The following METTL27 variants were observed in gnomAD, a reference collection of about 807,000 sequenced individuals.
METTL27 encodes methyltransferase like 27.
Under a neutral mutation model 24.5 loss-of-function variants are expected in METTL27, and 29 were observed. The observed-to-expected ratio is 1.18, with a 90% confidence interval of 0.88 to 1.61. The LOEUF (loss-of-function observed/expected upper bound fraction) is 1.61, where lower values mean the gene tolerates loss of function less well. Ranked by LOEUF, METTL27 falls within the 40% of genes most tolerant of loss-of-function variation. METTL27 has a pLI of 0.00. For synonymous variants in METTL27, 138 were observed against 146.8 expected, an observed-to-expected ratio of 0.94 and a Z score of 0.43; for missense variants, 341 against 324.3, an observed-to-expected ratio of 1.05 and a Z score of -0.40.
chr7:73,842,237 C>T, intron 1 of METTL27, 93 bp from the exon 2 acceptor site: 3 of 1,494,092 alleles, frequency 2.0e-6, no homozygotes, highest in Non-Finnish European at 1.8e-6. Flanking sequence ...AGGAGGCTGC[C>T]AGGCCTCCTG....
intron 5 of METTL27, among the ~76,000 whole-genome samples, chr7:73,835,981 C>G (rs1381750313): frequency 1.5e-5 from 2 of 133,472 alleles, no homozygotes. Context: ...GCCTGGCAGC[C>G]GCCCCGTCTG....
intron 5 of METTL27, among the ~76,000 whole-genome samples, chr7:73,836,575 T>G (rs1554635327): frequency 2.4e-3 from 8 of 3,324 alleles, no homozygotes; most frequent in East Asian, 0.014. Context: ...ATCCGGGAAG[T>G]GAGGGGCGCC....
intron 5 of METTL27, 69 bp downstream of exon 5, chr7:73,839,962 T>C: frequency 2.1e-6 from 3 of 1,423,032 alleles, no homozygotes; most frequent in Non-Finnish European, 2.9e-6. Context: ...GGGGCCTGTG[T>C]CTGCACTATG....
intron 3 of METTL27, among the ~76,000 whole-genome samples, chr7:73,840,803 C>T (rs533578025): frequency 2.6e-5 from 4 of 152,260 alleles, no homozygotes; most frequent in South Asian, 4.2e-4. Context: ...GGACTACAGG[C>T]GTGCACCACC....
In METTL27 at chr7:73,834,997, G is replaced by A. The variant is rs141002205; in HGVS notation, c.484C>T (p.Leu162=). Residue 162 remains leucine, a synonymous_variant, in exon 6 of 6, where the codon CTG becomes TTG. Transcript: ENST00000297873. ...TTGGTCCTGGTGGTCAGACACACCA[G>A]CCCACCTGGGGGAGAGGGGTAGGTG... ...PELHVTKPGG[L]VCLTTRTNSS... is the part of the protein sequence containing the mutation. 1.9e-6 allele frequency: 3 copies of A among 1,610,120 alleles called. No homozygotes were observed. The highest frequency in any genetic ancestry group is 2.5e-6 in the Non-Finnish European group (3 of 1,179,058).
chr7:73,841,367 G>T (rs1788349937), intron 2 of METTL27, among the ~76,000 whole-genome samples, 169 bp from the exon 3 acceptor site: 1 of 152,170 alleles, frequency 6.6e-6, no homozygotes, highest in Non-Finnish European at 1.5e-5. Flanking sequence ...CATTGCTAAA[G>T]GGCCAGGACT....
At chr7:73,835,052 TG>T in intron 5 of METTL27, 50 bp from the exon 6 acceptor site, 1 of 1,549,340 alleles carries the variant, frequency 6.5e-7, no homozygotes, top group Non-Finnish European at 8.7e-7. Context: ...GCCACAGTCC[TG>T]GGCCATCTCT....
chr7:73,836,313 C>G lies in METTL27; in HGVS notation c.479-1311G>C, dbSNP rs555035267. Among the ~76,000 whole-genome samples the G allele has an allele frequency of 2.2e-3, 310 of 138,058 alleles. 1 individual carries two copies. Among genetic ancestry groups the G allele is most frequent in the African/African-American group, 8.0e-3 (298 of 37,244 alleles). The allele number at this position is 138,058 out of a possible 152,430, so 90.6% of individuals were successfully genotyped here. ...CCCCCCGCCCGGCCAGCTGCCCCGT[C>G]CAGTAGGTGAGGGGCGCCTCTGCCC... On this transcript the variant is annotated intron_variant, in intron 5 of 5. Transcript: ENST00000297873.
At chr7:73,840,293 T>C in intron 4 of METTL27, 121 bp downstream of exon 4, 4 of 1,493,716 alleles carry the variant, frequency 2.7e-6, no homozygotes, top group Non-Finnish European at 3.6e-6. Context: ...TGCAGTCAGA[T>C]CGTGGGGTGC....
At chr7:73,835,073 G>C (rs971056851) in intron 5 of METTL27, 71 bp from the exon 6 acceptor site, 149 of 1,501,410 alleles carry the variant, frequency 9.9e-5, no homozygotes, top group Middle Eastern at 2.4e-4. Flanking sequence ...TGCTGGGGAT[G>C]GTTGTCCCTT....
intron 3 of METTL27, 140 bp downstream of exon 3, chr7:73,840,930 G>T: frequency 7.7e-7 from 1 of 1,297,268 alleles, no homozygotes; most frequent in South Asian, 1.9e-5. Context: ...CATAGTGTGA[G>T]CCACAGTATG....
rs782348515 is a variant in METTL27, at chr7:73,834,659, C to T, written c.*84G>A. The T allele has an allele frequency of 1.6e-6, 2 of 1,275,338 alleles. No homozygotes were observed. Among genetic ancestry groups the T allele is most frequent in the Non-Finnish European group, 2.2e-6 (2 of 915,098 alleles). 79.0% of individuals were successfully genotyped at this position (1,275,338 alleles called of 1,614,324 possible). The stretch of plus-strand genomic sequence containing the variant: ...GGGTTGGTTCGGAGGTCCCATTTTA[C>T]AGGGGAGGCAGAGGAGGCCCAGCAG... On this transcript the variant is annotated 3_prime_UTR_variant, in exon 6 of 6. Coordinates refer to ENST00000297873, the MANE Select transcript of METTL27 (RefSeq NM_152559.3).
At chr7:73,842,249 C>G in intron 1 of METTL27, 105 bp from the exon 2 acceptor site, 4 of 1,479,222 alleles carry the variant, frequency 2.7e-6, no homozygotes, top group Non-Finnish European at 2.7e-6. Flanking sequence ...GGCCTCCTGC[C>G]AGCGCGACCC....
chr7:73,839,804 G>T, intron 5 of METTL27: 1 of 478,292 alleles, frequency 2.1e-6, no homozygotes. Context: ...GGGTGGAGTT[G>T]CTCCTGGTTG....
In METTL27 at chr7:73,834,876, T is replaced by G; in HGVS notation, c.605A>C (p.Asp202Ala). Reference protein sequence around the residue: ...MWEGLVAWPVDRLWTAGSWLP... With the variant: ...MWEGLVAWPVARLWTAGSWLP... ...CCAGCTCCCAGCGGTCCACAGGCGG[T>G]CCACAGGCCAGGCCACCAGGCCTTC... The change falls in exon 6 of 6, where the codon GAC becomes GCC. Residue 202 changes from aspartate to alanine, a missense_variant. Transcript: ENST00000297873. 4 of 1,613,654 alleles carry G rather than the reference T, an allele frequency of 2.5e-6. No homozygotes were observed. The highest frequency in any genetic ancestry group is 3.4e-6 in the Non-Finnish European group (4 of 1,179,704).
At chr7:73,836,403 T>TTG (rs1788197477) in intron 5 of METTL27, among the ~76,000 whole-genome samples, 1 of 129,980 alleles carries the variant, frequency 7.7e-6, no homozygotes, top group African/African-American at 3.0e-5. Context: ...GGGAGGGAGG[T>TTG]GGGGGGGTCA....
rs966509600 is a variant in METTL27 at position 73,834,643 on chromosome 7, C to T, written c.*100G>A. On this transcript the variant is annotated 3_prime_UTR_variant, in exon 6 of 6. Coordinates refer to ENST00000297873, the MANE Select transcript of METTL27 (RefSeq NM_152559.3). The stretch of plus-strand genomic sequence containing the variant: ...GCATTTCTGAGGGGCAGGGTTGGTT[C>T]GGAGGTCCCATTTTACAGGGGAGGC... 8.7e-5 allele frequency: 92 copies of T among 1,057,132 alleles called. No homozygotes were observed. The highest frequency in any genetic ancestry group is 5.4e-4 in the East Asian group (21 of 38,606). The allele number at this position is 1,057,132 out of a possible 1,614,324, so 65.5% of individuals were successfully genotyped here.
chr7:73,837,772 G>T (rs781803060), intron 5 of METTL27, among the ~76,000 whole-genome samples: 29 of 152,144 alleles, frequency 1.9e-4, no homozygotes, highest in Non-Finnish European at 4.0e-4. Context: ...ATGTTGGCCA[G>T]GCTGGTCTCG....
At chr7:73,838,672 T>C (rs1040665869) in intron 5 of METTL27, among the ~76,000 whole-genome samples, 1 of 152,224 alleles carries the variant, frequency 6.6e-6, no homozygotes, top group East Asian at 1.9e-4. Flanking sequence ...AGTCCGATCC[T>C]GGCTGCTTCA....
Sources: gnomAD v4.1 joint callset for allele counts (sites outside exome capture counted in the v4.1 genomes callset) on GRCh38, gnomAD v4.1.1 for gene constraint, MANE v1.5 for transcripts, NCBI Gene and HGNC (gene_info 2026-07-23, HGNC 2026-07-21) for gene names.